Variants in ITFG1 observed in about 807,000 individuals in gnomAD.
ITFG1 encodes the protein T-cell immunomodulatory protein.
A neutral mutation model predicts 81.8 loss-of-function variants in ITFG1; 34 were observed. The observed-to-expected ratio is 0.42, with a 90% confidence interval of 0.32 to 0.55. The LOEUF (loss-of-function observed/expected upper bound fraction) is 0.55. Ranked by LOEUF, ITFG1 falls within the 20% of genes least tolerant of loss-of-function variation. ITFG1 has a pLI of 0.17. For missense variants in ITFG1, 672 were observed against 755.4 expected (o/e 0.89, Z 1.29); for synonymous variants, 285 against 270.6 (o/e 1.05, Z -0.52).
intron 14 of ITFG1, among the ~76,000 whole-genome samples, chr16:47,188,884 C>A (rs1965259167): frequency 6.6e-6 from 1 of 152,160 alleles, no homozygotes; most frequent in African/African-American, 2.4e-5. Flanking sequence ...CCTGCCTTAG[C>A]CTCCCAAGTA....
rs145859716 is a variant in ITFG1 at position 47,368,718 on chromosome 16, G to A, written c.721-2849C>T. Among the ~76,000 whole-genome samples the A allele has an allele frequency of 8.3e-4, 127 of 152,162 alleles. 1 individual carries two copies. Among genetic ancestry groups the A allele is most frequent in the African/African-American group, 2.9e-3 (120 of 41,526 alleles). ...CTCAATATACTAACTGAAGTGAACA[G>A]ATTACCCCACTGAAGGTCTATGAAT... On this transcript the variant is annotated intron_variant, in intron 7 of 17. Transcript: ENST00000320640.
At chr16:47,279,941 G>C (rs1248888975) in intron 10 of ITFG1, among the ~76,000 whole-genome samples, 1 of 152,054 alleles carries the variant, frequency 6.6e-6, no homozygotes, top group Non-Finnish European at 1.5e-5. Flanking sequence ...AGAAATAAGA[G>C]TGATTCTTGT....
intron 14 of ITFG1, chr16:47,196,470 T>C (rs1029189104): frequency 6.6e-6 from 1 of 152,210 alleles, no homozygotes; most frequent in African/African-American, 2.4e-5. Context: ...TAAAATTTTA[T>C]GATTTTAGAA....
intron 14 of ITFG1, among the ~76,000 whole-genome samples, chr16:47,209,966 G>C (rs1287050248): frequency 6.6e-6 from 1 of 152,108 alleles, no homozygotes; most frequent in Admixed American, 6.5e-5. Flanking sequence ...TGCCTGGGTT[G>C]CTTCTAGTTT....
chr16:47,247,779 A>G (rs1400476604), intron 12 of ITFG1, among the ~76,000 whole-genome samples: 1 of 152,138 alleles, frequency 6.6e-6, no homozygotes, highest in Non-Finnish European at 1.5e-5. Flanking sequence ...ATTGTTATCT[A>G]GTAGTTTCAG....
intron 14 of ITFG1, among the ~76,000 whole-genome samples, chr16:47,202,928 T>C (rs1567422284): frequency 1.3e-5 from 2 of 152,076 alleles, no homozygotes; most frequent in Admixed American, 6.5e-5. Context: ...AGACCCACCA[T>C]GGAAAATGGT....
At chr16:47,180,228 G>A (rs1965088720) in intron 14 of ITFG1, among the ~76,000 whole-genome samples, 1 of 152,136 alleles carries the variant, frequency 6.6e-6, no homozygotes, top group Admixed American at 6.5e-5. Flanking sequence ...CTTATGATAT[G>A]CCATGTCAGT....
intron 8 of ITFG1, among the ~76,000 whole-genome samples, chr16:47,349,193 C>G (rs1012591920): frequency 6.6e-6 from 1 of 152,202 alleles, no homozygotes. Context: ...ATGACATGAT[C>G]AAATTCACAC....
chr16:47,157,927 T>C (rs1964740545), intron 17 of ITFG1, among the ~76,000 whole-genome samples: 1 of 152,208 alleles, frequency 6.6e-6, no homozygotes, highest in Admixed American at 6.5e-5. Flanking sequence ...ACTAGCTTTT[T>C]CACATATATC....
In ITFG1 at chr16:47,239,390, G is replaced by A. The variant is rs140505362; in HGVS notation, c.1331-1382C>T. On this transcript the variant is annotated intron_variant, in intron 12 of 17. Transcript: ENST00000320640. ...TAATTTTTGTATTTTTAGTAGAGAC[G>A]GGGTTTCACCATGCTGGCCAGGATG... Among the ~76,000 whole-genome samples the A allele has an allele frequency of 5.7e-3, 872 of 152,042 alleles. 7 individuals are homozygous for A. Among genetic ancestry groups the A allele is most frequent in the African/African-American group, 0.02 (830 of 41,464 alleles).
At chr16:47,414,113 G>A (rs916390863) in intron 6 of ITFG1, among the ~76,000 whole-genome samples, 3 of 151,638 alleles carry the variant, frequency 2.0e-5, no homozygotes, top group Admixed American at 6.6e-5. Flanking sequence ...GAGCCACCAC[G>A]CCCAGCCGAG....
intron 1 of ITFG1, 37 bp downstream of exon 1, chr16:47,460,801 G>A (rs748999841): frequency 1.2e-6 from 2 of 1,604,360 alleles, no homozygotes; most frequent in East Asian, 2.2e-5. Flanking sequence ...AGAGGCACAC[G>A]GACAGCGAAC....
intron 6 of ITFG1, among the ~76,000 whole-genome samples, chr16:47,411,242 G>A (rs1968806735): frequency 6.6e-6 from 1 of 152,198 alleles, no homozygotes; most frequent in South Asian, 2.1e-4. Flanking sequence ...AACTGGGCAT[G>A]CCTCCTTCCA....
chr16:47,430,292 T>C (rs1173845948), intron 5 of ITFG1, among the ~76,000 whole-genome samples: 2 of 151,862 alleles, frequency 1.3e-5, no homozygotes, highest in East Asian at 3.9e-4. Context: ...TCTTGAACTC[T>C]GGAGCTCAGG....
At chr16:47,199,410 C>T (rs181626344) in intron 14 of ITFG1, among the ~76,000 whole-genome samples, 1 of 152,342 alleles carries the variant, frequency 6.6e-6, no homozygotes, top group African/African-American at 2.4e-5. Context: ...GAGTTAACTT[C>T]TAGTTGTACA....
chr16:47,209,570 A>G (rs1965541157), intron 14 of ITFG1, among the ~76,000 whole-genome samples: 1 of 152,158 alleles, frequency 6.6e-6, no homozygotes, highest in African/African-American at 2.4e-5. Flanking sequence ...GTTTTCTCCC[A>G]TGGTAACATC....
chr16:47,440,525 A>G (rs2151614214), intron 5 of ITFG1, among the ~76,000 whole-genome samples: 1 of 152,368 alleles, frequency 6.6e-6, no homozygotes, highest in African/African-American at 2.4e-5. Context: ...ACTCAGGATT[A>G]AGAAACTCAC....
At chr16:47,448,795 C>G (rs1269560453) in intron 5 of ITFG1, 2 of 152,074 alleles carry the variant, frequency 1.3e-5, no homozygotes, top group African/African-American at 4.8e-5. Flanking sequence ...CACATCACTG[C>G]AGAAGCTGCT....
At chr16:47,163,027 C>T (rs1026639514) in intron 14 of ITFG1, among the ~76,000 whole-genome samples, 2 of 152,124 alleles carry the variant, frequency 1.3e-5, no homozygotes, top group African/African-American at 4.8e-5. Flanking sequence ...GCCTTGAACT[C>T]CTGGGCTCAA....
Sources: allele counts gnomAD v4.1 joint callset (sites outside exome capture counted in the v4.1 genomes callset), GRCh38; gene constraint gnomAD v4.1.1; transcripts MANE v1.5; gene names NCBI Gene and HGNC (gene_info 2026-07-23, HGNC 2026-07-21).